The following ATIC variants were observed in gnomAD, a reference collection of about 807,000 sequenced individuals.
ATIC encodes the protein 5-aminoimidazole-4-carboxamide ribonucleotide formyltransferase/IMP cyclohydrolase, also known as bifunctional purine biosynthesis protein ATIC.
Under a neutral mutation model 72.5 loss-of-function variants are expected in ATIC, and 64 were observed. The ratio of observed to expected loss-of-function variants is 0.88; its 90% CI spans 0.72 to 1.09. The LOEUF is 1.09. ATIC is among the 50% of genes least tolerant of loss of function. The pLI is 0.00. For synonymous variants in ATIC, 281 were observed against 267.1 expected (o/e 1.05, Z -0.51); for missense variants, 787 against 732.4 (o/e 1.07, Z -0.86).
chr2:215,318,005 A>G (rs540671023), intron 2 of ATIC, 152 bp from the exon 3 acceptor site: 3 of 697,636 alleles, frequency 4.3e-6, no homozygotes, highest in Non-Finnish European at 7.4e-6. Flanking sequence ...TTTACTTAAG[A>G]AATAAAATAT....
the ATIC span, among the ~76,000 whole-genome samples, chr2:215,366,470 C>A: frequency 6.6e-6 from 1 of 152,080 alleles, no homozygotes; most frequent in Non-Finnish European, 1.5e-5. Flanking sequence ...TAAAATAAAA[C>A]AAAAGCAAAC....
intron 1 of ATIC, 94 bp from the exon 2 acceptor site, chr2:215,312,404 G>A (rs2052663143): frequency 6.2e-7 from 1 of 1,603,112 alleles, no homozygotes; most frequent in Admixed American, 1.7e-5. Flanking sequence ...CTGGCCTTGC[G>A]ATTCGAGAAT....
the ATIC span, chr2:215,361,498 A>C: frequency 4.9e-6 from 6 of 1,224,008 alleles, no homozygotes; most frequent in Non-Finnish European, 7.3e-6. Flanking sequence ...ACATCACTCC[A>C]GTTTAGATGG....
downstream of ATIC, among the ~76,000 whole-genome samples, chr2:215,350,145 T>C (rs2053119013): frequency 6.6e-6 from 1 of 152,172 alleles, no homozygotes; most frequent in Non-Finnish European, 1.5e-5. Context: ...ATTTGTTATT[T>C]TGAGAGGGAG....
chr2:215,335,996 A>G, intron 10 of ATIC, 39 bp from the exon 11 acceptor site: 1 of 1,502,550 alleles, frequency 6.7e-7, no homozygotes, highest in Non-Finnish European at 9.2e-7. Flanking sequence ...GTGTTCTCTG[A>G]TTTTTAAAAA....
chr2:215,326,268 T>TA lies in ATIC; in HGVS notation c.531+135dup, dbSNP rs557703820. The TA allele has an allele frequency of 4.7e-4, 570 of 1,216,414 alleles. 2 individuals carry two copies. The African/African-American group carries it at 7.5e-3, about 16-fold the overall frequency. The allele number at this position is 1,216,414 out of a possible 1,614,324, so 75.4% of individuals were successfully genotyped here. ...TTGCTTGGAGCTGCTATCCTTTTGT[T>TA]AAAAATGGAGAAACCAGCTATTACA... On this transcript the variant is annotated intron_variant, in intron 6 of 15. Transcript: ENST00000236959.
the ATIC span, chr2:215,362,158 A>G: frequency 1.9e-6 from 2 of 1,064,998 alleles, no homozygotes; most frequent in South Asian, 2.6e-5. Context: ...GAGTTAAAGA[A>G]AAATGTCACA....
downstream of ATIC, among the ~76,000 whole-genome samples, chr2:215,353,066 T>C (rs529797904): frequency 2.0e-5 from 3 of 152,364 alleles, no homozygotes; most frequent in South Asian, 6.2e-4. Flanking sequence ...GGTTTATAAA[T>C]GTTCACTTCC....
chr2:215,350,974 C>T (rs1163031290), downstream of ATIC, among the ~76,000 whole-genome samples: 3 of 152,216 alleles, frequency 2.0e-5, no homozygotes, highest in Non-Finnish European at 4.4e-5. Context: ...AATCTTCCAG[C>T]CCTGGCCTAG....
At chr2:215,336,160 C>A (rs376645698) in intron 11 of ATIC, 36 bp downstream of exon 11, 2 of 1,472,730 alleles carry the variant, frequency 1.4e-6, no homozygotes, top group South Asian at 1.1e-5. Context: ...GTAATTTGCT[C>A]TTTTATTCTG....
intron 12 of ATIC, among the ~76,000 whole-genome samples, chr2:215,343,707 A>G (rs562525869): frequency 2.6e-5 from 4 of 152,206 alleles, no homozygotes; most frequent in Admixed American, 6.5e-5. Context: ...TTTGTTAATA[A>G]TTTTCTCCTA....
intron 14 of ATIC, chr2:215,348,580 CT>C: frequency 2.4e-5 from 9 of 370,952 alleles, no homozygotes; most frequent in East Asian, 1.1e-4. Context: ...CTTAGAATCA[CT>C]TTTTTTCCTT....
intron 5 of ATIC, among the ~76,000 whole-genome samples, chr2:215,325,545 G>GATTT (rs1189388829): frequency 2.0e-5 from 3 of 151,458 alleles, no homozygotes; most frequent in Admixed American, 6.6e-5. Flanking sequence ...TTATTTTCCT[G>GATTT]ATTTATTTAT....
chr2:215,353,617 A>G (rs963866475), downstream of ATIC, among the ~76,000 whole-genome samples: 2 of 152,090 alleles, frequency 1.3e-5, no homozygotes, highest in Non-Finnish European at 2.9e-5. Flanking sequence ...GCTGGAGTGC[A>G]ATGGCATGCT....
downstream of ATIC, among the ~76,000 whole-genome samples, chr2:215,354,705 G>A (rs183953005): frequency 6.0e-5 from 9 of 149,836 alleles, no homozygotes; most frequent in Non-Finnish European, 1.0e-4. Flanking sequence ...AATATTTCTG[G>A]TTTTCTTTTC....
chr2:215,367,821 A>G, the ATIC span: 7 of 1,605,510 alleles, frequency 4.4e-6, no homozygotes, highest in Non-Finnish European at 6.0e-6. Flanking sequence ...ATGGAACTTG[A>G]GGAGACAAAC....
intron 11 of ATIC, 23 bp from the exon 12 acceptor site, chr2:215,338,756 A>C (rs1407498684): frequency 6.2e-7 from 1 of 1,611,174 alleles, no homozygotes; most frequent in East Asian, 2.2e-5. Context: ...GATTAACTTT[A>C]ACTTTTAAAA....
At chr2:215,336,761 C>G (rs1255915798) in intron 11 of ATIC, among the ~76,000 whole-genome samples, 1 of 152,148 alleles carries the variant, frequency 6.6e-6, no homozygotes, top group East Asian at 1.9e-4. Flanking sequence ...AGTGAATAAC[C>G]TAGAAAAGTC....
chr2:215,339,784 G>A (rs986276704), intron 12 of ATIC, among the ~76,000 whole-genome samples: 7 of 151,820 alleles, frequency 4.6e-5, no homozygotes, highest in East Asian at 3.9e-4. Flanking sequence ...ACAGGCGCCC[G>A]CCACAACGCC....
Sources: gnomAD v4.1 joint callset for allele counts (sites outside exome capture counted in the v4.1 genomes callset) on GRCh38, gnomAD v4.1.1 for gene constraint, MANE v1.5 for transcripts, NCBI Gene and HGNC (gene_info 2026-07-23, HGNC 2026-07-21) for gene names.